Variants in HERC5 observed in about 807,000 individuals in gnomAD.
The protein encoded by HERC5 is HECT and RLD domain containing E3 ubiquitin protein ligase 5.
In HERC5, 99 loss-of-function variants were observed where a neutral mutation model predicts 119.6. That is an observed-to-expected ratio of 0.83 (90% CI 0.70 to 0.98). The LOEUF (loss-of-function observed/expected upper bound fraction) is 0.98. HERC5 is among the 50% of genes least tolerant of loss of function. HERC5 has a pLI of 0.00. For synonymous variants in HERC5, 478 were observed against 445.9 expected, an observed-to-expected ratio of 1.07 and a Z score of -0.91; for missense variants, 1,267 against 1,241.3, an observed-to-expected ratio of 1.02 and a Z score of -0.31.
In HERC5 at chr4:88,504,186, T is replaced by C. The variant is rs562164723; in HGVS notation, c.2583-46T>C. The C allele has an allele frequency of 2.1e-4, 264 of 1,284,504 alleles. 2 individuals carry two copies. The South Asian group carries it at 3.3e-3, about 16-fold the overall frequency. 79.6% of individuals were successfully genotyped at this position (1,284,504 alleles called of 1,614,324 possible). On this transcript the variant is annotated intron_variant, in intron 20 of 22. Transcript: ENST00000264350. Reference sequence around the variant, plus strand: ...TTATTTTTAGCCCCTCACCATTTTGTTCAGGATATTGCAGTAAGTGGAAAT... The same window carrying C: ...TTATTTTTAGCCCCTCACCATTTTGCTCAGGATATTGCAGTAAGTGGAAAT...
At chr4:88,490,567 GA>G (rs1741603662) in intron 16 of HERC5, among the ~76,000 whole-genome samples, 2 of 152,326 alleles carry the variant, frequency 1.3e-5, no homozygotes, top group South Asian at 4.1e-4. Context: ...TATTGCCCCA[GA>G]CACAGTGGCT....
chr4:88,460,082 TTTCC>T lies in HERC5; in HGVS notation c.390-9_390-6del. ...TTATGGTGATTAACACAAAGTGTAT[TTTCC>T]TTCATCAGGTTTGAAAGCATTTTAC... On this transcript the variant is annotated splice_polypyrimidine_tract_variant and intron_variant, in intron 2 of 22. Transcript: ENST00000264350. The T allele has an allele frequency of 7.1e-7, 1 of 1,410,514 alleles. No homozygotes were observed. The allele number at this position is 1,410,514 out of a possible 1,614,324, so 87.4% of individuals were successfully genotyped here.
At chr4:88,479,797 T>G (rs1167447351) in intron 13 of HERC5, among the ~76,000 whole-genome samples, 3 of 152,022 alleles carry the variant, frequency 2.0e-5, no homozygotes, top group Non-Finnish European at 2.9e-5. Context: ...GCCGGGCGCG[T>G]TGGCTCACGC....
At chr4:88,499,849 C>T (rs539232241) in intron 18 of HERC5, 77 bp from the exon 19 acceptor site, 12 of 1,012,368 alleles carry the variant, frequency 1.2e-5, no homozygotes, top group South Asian at 2.6e-5. Context: ...TAGCTATACA[C>T]TTGACATTTA....
intron 3 of HERC5, among the ~76,000 whole-genome samples, chr4:88,461,500 C>T (rs1024398162): frequency 1.3e-5 from 2 of 152,314 alleles, no homozygotes; most frequent in African/African-American, 4.8e-5. Context: ...CTTCCCACCA[C>T]ATCCTGCACA....
chr4:88,477,933 GT>G (rs1741141233), intron 12 of HERC5, among the ~76,000 whole-genome samples: 1 of 152,118 alleles, frequency 6.6e-6, no homozygotes, highest in Non-Finnish European at 1.5e-5. Context: ...CAAAAAGAAA[GT>G]TGTGCATTCA....
intron 15 of HERC5, 34 bp downstream of exon 15, chr4:88,487,213 T>A (rs762707799): frequency 8.4e-7 from 1 of 1,197,550 alleles, no homozygotes; most frequent in South Asian, 1.3e-5. Context: ...TTAGCATAAA[T>A]CACATGCTAA....
intron 15 of HERC5, among the ~76,000 whole-genome samples, 164 bp from the exon 16 acceptor site, chr4:88,489,002 T>C (rs931814999): frequency 6.6e-6 from 1 of 152,226 alleles, no homozygotes; most frequent in South Asian, 2.1e-4. Context: ...TCACTGAGAC[T>C]AAATACTGAT....
At chr4:88,497,033 C>G (rs1391526745) in intron 18 of HERC5, among the ~76,000 whole-genome samples, 3 of 152,194 alleles carry the variant, frequency 2.0e-5, no homozygotes, top group Admixed American at 2.0e-4. Context: ...CCTTTAGATT[C>G]AGACACCGAA....
Position 88,457,551 on chromosome 4 carries a change from T to TGTGAGGGCTGTGAGGGCTGTGAGGG in HERC5, c.265+28_265+52dup. ...GGACGCCGAGTGAGTGGGGCTGGTGTGTGAGGGCTGTGAGGGCTGTGAGGG... is the reference window on the plus strand; with the variant it reads ...GGACGCCGAGTGAGTGGGGCTGGTGTGTGAGGGCTGTGAGGGCTGTGAGGGGTGAGGGCTGTGAGGGCTGTGAGGG... On this transcript the variant is annotated intron_variant, in intron 1 of 22. Coordinates refer to ENST00000264350, the MANE Select transcript of HERC5 (RefSeq NM_016323.4). 2 of 1,238,240 alleles carry TGTGAGGGCTGTGAGGGCTGTGAGGG rather than the reference T, an allele frequency of 1.6e-6. No individual in the cohort carries two copies. Among genetic ancestry groups the TGTGAGGGCTGTGAGGGCTGTGAGGG allele is most frequent in the Non-Finnish European group, 2.0e-6 (2 of 988,724 alleles). The allele number at this position is 1,238,240 out of a possible 1,614,324, so 76.7% of individuals were successfully genotyped here.
rs187682826 is a variant in HERC5, at chr4:88,479,521, T to C, written c.1737+14T>C. 17 of 1,540,108 alleles carry C rather than the reference T, an allele frequency of 1.1e-5. No homozygotes were observed. In the East Asian group the frequency reaches 2.3e-4, roughly 21 times the overall value. On this transcript the variant is annotated intron_variant, in intron 13 of 22. Transcript: ENST00000264350. ...AAGCTGCACAGGGTAAGAGTTCCTT[T>C]AGAAACCTCTGTGTTTTTATCTAGC...
In HERC5 at chr4:88,494,168, A is replaced by G; in HGVS notation, c.2281A>G (p.Lys761Glu). The G allele has an allele frequency of 6.3e-7, 1 of 1,599,126 alleles. No homozygotes were observed. Among genetic ancestry groups the G allele is most frequent in the Non-Finnish European group, 8.5e-7 (1 of 1,174,914 alleles). Residue 761 changes from lysine to glutamate, a missense_variant, in exon 18 of 23, where the codon AAA becomes GAA. Lys to Glu is a moderately conservative substitution (Grantham distance 56). Transcript: ENST00000264350. ...ASCMWFPVKP[K>E]FEKKRYFFFG... Reference sequence around the variant, plus strand: ...AGATTTTTTTTTCGCTTTTCAGCCTAAATTTGAGAAGAAAAGATACTTCTT... The same window carrying G: ...AGATTTTTTTTTCGCTTTTCAGCCTGAATTTGAGAAGAAAAGATACTTCTT...
intron 16 of HERC5, among the ~76,000 whole-genome samples, chr4:88,492,099 G>A (rs74581848): frequency 0.012 from 1,821 of 152,082 alleles, 41 homozygotes; most frequent in African/African-American, 0.041. Flanking sequence ...CATCTCCCGG[G>A]TTCAAGTGAG....
Position 88,487,154 on chromosome 4 carries a change from A to G in HERC5, c.1937A>G (p.His646Arg), listed in dbSNP as rs1458766416. The change falls in exon 15 of 23, where the codon CAT (histidine) becomes CGT (arginine). Residue 646 changes from histidine to arginine, a missense_variant. His to Arg is a conservative substitution (Grantham distance 29). Coordinates refer to ENST00000264350, the MANE Select transcript of HERC5 (RefSeq NM_016323.4). Reference protein sequence around the residue: ...FNNLSKIKLLHTDTLLKIESK... With the variant: ...FNNLSKIKLLRTDTLLKIESK... ...AATCTGTCGAAAATTAAACTACTAC[A>G]TACAGACACACTTTTAAAAATAGAG... 4 of 1,578,374 alleles carry G rather than the reference A, an allele frequency of 2.5e-6. No individual in the cohort carries two copies. Among genetic ancestry groups the G allele is most frequent in the African/African-American group, 2.7e-5 (2 of 74,276 alleles).
intron 14 of HERC5, among the ~76,000 whole-genome samples, chr4:88,486,466 T>G (rs1741470241): frequency 6.6e-6 from 1 of 152,170 alleles, no homozygotes; most frequent in Non-Finnish European, 1.5e-5. Context: ...CTGTCTATAC[T>G]GTAATTAGAG....
In HERC5 at chr4:88,464,564, GT is replaced by G. The variant is rs1363309275; in HGVS notation, c.911+582del. Among the ~76,000 whole-genome samples the G allele has an allele frequency of 4.1e-5, 6 of 146,792 alleles. No individual in the cohort carries two copies. In the South Asian group the frequency reaches 8.5e-4, roughly 21 times the overall value. ...TATTTAAAGGTTTTTTGGTTTTCTT[GT>G]TTGTTTGTTTGTTTGTTTTTTGGTT... On this transcript the variant is annotated intron_variant, in intron 6 of 22. Transcript: ENST00000264350.
rs192642143 is a variant in HERC5, at chr4:88,481,151, C to T, written c.1737+1644C>T. Among the ~76,000 whole-genome samples the T allele has an allele frequency of 7.1e-3, 1,076 of 152,294 alleles. 39 individuals are homozygous for T. Among genetic ancestry groups the T allele is most frequent in the Admixed American group, 0.054 (819 of 15,296 alleles). ...CACTGCAACCTCTGCCTCCCAGGCT[C>T]CTGTGATCCTCCCACTTCAGCCTCC... On this transcript the variant is annotated intron_variant, in intron 13 of 22. Transcript: ENST00000264350.
At chr4:88,477,668 T>C (rs1027706385) in intron 12 of HERC5, among the ~76,000 whole-genome samples, 4 of 151,984 alleles carry the variant, frequency 2.6e-5, no homozygotes, top group African/African-American at 7.3e-5. Context: ...TTGTAGACTG[T>C]CCCACATCCA....
chr4:88,470,783 A>AT (rs966501319), intron 10 of HERC5, 110 bp downstream of exon 10: 21 of 480,946 alleles, frequency 4.4e-5, no homozygotes, highest in Non-Finnish European at 7.4e-5. Context: ...CTTTTTAAAA[A>AT]TTTTTTTTAA....
Sources: allele counts gnomAD v4.1 joint callset (sites outside exome capture counted in the v4.1 genomes callset), GRCh38; gene constraint gnomAD v4.1.1; transcripts MANE v1.5; gene names NCBI Gene and HGNC (gene_info 2026-07-23, HGNC 2026-07-21).